GLIS3: variants seen among roughly 807,000 people sequenced by gnomAD.
The protein encoded by GLIS3 is zinc finger protein GLIS3.
A neutral mutation model predicts 78.6 loss-of-function variants in GLIS3; 53 were observed. The ratio of observed to expected loss-of-function variants is 0.67; its 90% CI spans 0.54 to 0.85. The LOEUF (loss-of-function observed/expected upper bound fraction) is 0.85. Among genes scored for constraint, GLIS3 ranks in the 40% least tolerant of loss-of-function variants. GLIS3 has a pLI of 0.00. For missense variants in GLIS3, 1,703 were observed against 1,231.1 expected, an observed-to-expected ratio of 1.38 and a Z score of -5.74; for synonymous variants, 684 against 509.9, an observed-to-expected ratio of 1.34 and a Z score of -4.60.
intron 2 of GLIS3, among the ~76,000 whole-genome samples, chr9:4,139,496 A>G (rs565838138): frequency 6.6e-6 from 1 of 152,274 alleles, no homozygotes; most frequent in African/African-American, 2.4e-5. Flanking sequence ...AAATTACTCA[A>G]CAGACAGAAA....
chr9:3,838,849 A>T (rs2130044529), intron 9 of GLIS3, among the ~76,000 whole-genome samples: 1 of 152,218 alleles, frequency 6.6e-6, no homozygotes, highest in African/African-American at 2.4e-5. Flanking sequence ...CTCTCTGGGG[A>T]CCCTTGACCT....
At chr9:4,088,491 C>T (rs2130737941) in intron 4 of GLIS3, among the ~76,000 whole-genome samples, 1 of 152,322 alleles carries the variant, frequency 6.6e-6, no homozygotes, top group Non-Finnish European at 1.5e-5. Flanking sequence ...TAAATTGGTC[C>T]TAAGTGATTT....
the GLIS3 span, among the ~76,000 whole-genome samples, chr9:4,399,030 A>T: frequency 6.6e-6 from 1 of 152,166 alleles, no homozygotes; most frequent in East Asian, 1.9e-4. Context: ...CTGCTTTCAT[A>T]TATTTTATGC....
the GLIS3 span, among the ~76,000 whole-genome samples, chr9:4,368,139 C>G: frequency 6.6e-6 from 1 of 152,248 alleles, no homozygotes; most frequent in Non-Finnish European, 1.5e-5. Context: ...ATCCTAAAAT[C>G]ACTTATATCA....
intron 6 of GLIS3, among the ~76,000 whole-genome samples, chr9:3,914,734 A>G (rs910465140): frequency 2.6e-5 from 4 of 152,156 alleles, no homozygotes; most frequent in African/African-American, 9.7e-5. Context: ...TAGGTCCCAA[A>G]TTATACATTC....
At chr9:4,191,803 T>C (rs918781170) in intron 2 of GLIS3, among the ~76,000 whole-genome samples, 5 of 151,988 alleles carry the variant, frequency 3.3e-5, no homozygotes, top group African/African-American at 1.2e-4. Flanking sequence ...TGTACCAAGG[T>C]CCAAGGAAAT....
intron 2 of GLIS3, among the ~76,000 whole-genome samples, chr9:4,196,102 T>C (rs1818816481): frequency 6.6e-6 from 1 of 152,218 alleles, no homozygotes; most frequent in African/African-American, 2.4e-5. Flanking sequence ...TCAAGGTTTG[T>C]AAATGCACTA....
At chr9:4,171,996 G>C (rs1816413281) in intron 2 of GLIS3, among the ~76,000 whole-genome samples, 1 of 152,060 alleles carries the variant, frequency 6.6e-6, no homozygotes, top group East Asian at 1.9e-4. Context: ...GTGGTAGTTT[G>C]GTTTTTTTAA....
chr9:4,291,781 G>A (rs973909195), intron 1 of GLIS3, among the ~76,000 whole-genome samples: 41 of 152,054 alleles, frequency 2.7e-4, no homozygotes, highest in African/African-American at 9.7e-4. Context: ...ACCGCTCGAG[G>A]GCAATATTAA....
rs562652784 is a variant in GLIS3 at position 3,962,471 on chromosome 9, G to A, written c.1711-25282C>T. ...AATCTTAATTTTCTCTTTTTAAAGGGGGTACCAGTTCCCTAATGAAAATTA... is the reference window on the plus strand; with the variant it reads ...AATCTTAATTTTCTCTTTTTAAAGGAGGTACCAGTTCCCTAATGAAAATTA... On this transcript the variant is annotated intron_variant, in intron 4 of 10. Transcript: ENST00000381971. 1.8e-4 allele frequency among the ~76,000 whole-genome samples: 28 copies of A among 152,068 alleles called. No individual in the cohort carries two copies. In the South Asian group the frequency reaches 4.4e-3, roughly 24 times the overall value.
the GLIS3 span, among the ~76,000 whole-genome samples, chr9:4,486,007 C>A: frequency 6.6e-6 from 1 of 152,206 alleles, no homozygotes; most frequent in Non-Finnish European, 1.5e-5. Context: ...CAGGCGTGAG[C>A]CGCCGCACCT....
chr9:4,460,496 G>T, the GLIS3 span, among the ~76,000 whole-genome samples: 4 of 152,136 alleles, frequency 2.6e-5, no homozygotes, highest in South Asian at 8.3e-4. Flanking sequence ...TGAAGATGTA[G>T]GTATATATAC....
chr9:4,458,774 G>A, the GLIS3 span, among the ~76,000 whole-genome samples: 1 of 152,168 alleles, frequency 6.6e-6, no homozygotes, highest in African/African-American at 2.4e-5. Context: ...CTCCAGCCTG[G>A]GCAACAGAGC....
intron 4 of GLIS3, among the ~76,000 whole-genome samples, chr9:4,031,965 G>C (rs549222296): frequency 2.0e-5 from 3 of 152,306 alleles, no homozygotes; most frequent in African/African-American, 7.2e-5. Context: ...CAGATAGCAA[G>C]AGTCTAGACA....
intron 6 of GLIS3, among the ~76,000 whole-genome samples, chr9:3,931,086 G>GA (rs34451104): frequency 6.6e-6 from 1 of 151,998 alleles, no homozygotes; most frequent in African/African-American, 2.4e-5. Context: ...AATTTACTGG[G>GA]ATTCCAATTA....
chr9:4,489,010 G>A, the GLIS3 span, among the ~76,000 whole-genome samples: 1 of 152,078 alleles, frequency 6.6e-6, no homozygotes, highest in Non-Finnish European at 1.5e-5. Flanking sequence ...GCGACTACAG[G>A]CACGTGCCAC....
chr9:4,444,024 T>C, the GLIS3 span, among the ~76,000 whole-genome samples: 1 of 152,116 alleles, frequency 6.6e-6, no homozygotes, highest in Admixed American at 6.6e-5. Flanking sequence ...TGATGATTCA[T>C]CATAGATGAG....
At chr9:4,178,869 G>C (rs1477418125) in intron 2 of GLIS3, among the ~76,000 whole-genome samples, 1 of 152,002 alleles carries the variant, frequency 6.6e-6, no homozygotes, top group East Asian at 1.9e-4. Flanking sequence ...ATAAACATTA[G>C]TTATTTAAAT....
intron 2 of GLIS3, among the ~76,000 whole-genome samples, chr9:4,259,145 T>G (rs1825266062): frequency 6.6e-6 from 1 of 152,176 alleles, no homozygotes; most frequent in Admixed American, 6.5e-5. Context: ...AGATGAACAT[T>G]TTTAGTATTC....
Sources: gnomAD v4.1 joint callset for allele counts (sites outside exome capture counted in the v4.1 genomes callset) on GRCh38, gnomAD v4.1.1 for gene constraint, MANE v1.5 for transcripts, NCBI Gene and HGNC (gene_info 2026-07-23, HGNC 2026-07-21) for gene names.